The following SYNPR variants were observed in gnomAD, a reference collection of about 807,000 sequenced individuals.
The protein encoded by SYNPR is synaptoporin.
In SYNPR, 23 loss-of-function variants were observed where a neutral mutation model predicts 32.9. The ratio of observed to expected loss-of-function variants is 0.70; its 90% confidence interval spans 0.50 to 0.99. The LOEUF is 0.99. Among genes scored for constraint, SYNPR ranks in the 50% least tolerant of loss-of-function variants. The probability of loss-of-function intolerance (pLI) is 0.00; values close to 1 mark genes in which losing one functional copy is unlikely to be tolerated. For missense variants in SYNPR, 318 were observed against 349.3 expected, an observed-to-expected ratio of 0.91 and a Z score of 0.71; for synonymous variants, 146 against 135.9, an observed-to-expected ratio of 1.07 and a Z score of -0.52.
chr3:63,441,758 T>C (rs898326128), intron 2 of SYNPR, among the ~76,000 whole-genome samples: 3 of 152,178 alleles, frequency 2.0e-5, no homozygotes, highest in Non-Finnish European at 4.4e-5. Context: ...GTTTGAAGAA[T>C]TGGTAAGCAC....
intron 2 of SYNPR, among the ~76,000 whole-genome samples, chr3:63,318,835 G>C (rs2087073907): frequency 1.3e-5 from 2 of 151,972 alleles, no homozygotes; most frequent in South Asian, 4.1e-4. Context: ...GAAGAGGCTT[G>C]TTTTGTCATA....
intron 2 of SYNPR, among the ~76,000 whole-genome samples, chr3:63,434,450 T>A (rs1451302): frequency 1.6e-3 from 251 of 152,334 alleles, no homozygotes; most frequent in Non-Finnish European, 2.7e-3. Context: ...ATCAATACAC[T>A]CAGTTGGCTA....
chr3:63,273,434 T>G (rs1560175228), upstream of SYNPR, among the ~76,000 whole-genome samples: 1 of 152,168 alleles, frequency 6.6e-6, no homozygotes, highest in Non-Finnish European at 1.5e-5. Context: ...TAGAGGCACT[T>G]AGCATTCTGT....
chr3:63,553,128 C>T (rs1297799223), intron 3 of SYNPR, among the ~76,000 whole-genome samples: 1 of 152,122 alleles, frequency 6.6e-6, no homozygotes, highest in African/African-American at 2.4e-5. Context: ...GTCTGTTGTT[C>T]CCATGTTTAC....
intron 2 of SYNPR, chr3:63,452,001 C>A: frequency 1.5e-6 from 1 of 678,606 alleles, no homozygotes; most frequent in Non-Finnish European, 2.7e-6. Flanking sequence ...AGACACCCTC[C>A]TTTCTTCCTC....
intron 3 of SYNPR, among the ~76,000 whole-genome samples, chr3:63,501,494 CA>C (rs377290258): frequency 0.044 from 4,280 of 96,760 alleles, 92 homozygotes; most frequent in Non-Finnish European, 0.066. Context: ...CTCCCCCAAC[CA>C]AAAAAAAAAA....
At chr3:63,271,676 C>A (rs2086536344) in intron 3 of SYNPR, among the ~76,000 whole-genome samples, 1 of 151,844 alleles carries the variant, frequency 6.6e-6, no homozygotes, top group Non-Finnish European at 1.5e-5. Flanking sequence ...TATTGCAAAG[C>A]AAAACTCATT....
chr3:63,426,488 G>C (rs1210086463), intron 2 of SYNPR, among the ~76,000 whole-genome samples: 2 of 152,312 alleles, frequency 1.3e-5, no homozygotes, highest in Middle Eastern at 3.4e-3. Flanking sequence ...GCAATGGGGG[G>C]TATGGGAGTT....
chr3:63,211,356 C>T, the SYNPR span, among the ~76,000 whole-genome samples: 7 of 152,152 alleles, frequency 4.6e-5, no homozygotes, highest in African/African-American at 9.7e-5. Context: ...CATGAGCCAC[C>T]GTGCCCGGCC....
intron 4 of SYNPR, among the ~76,000 whole-genome samples, chr3:63,593,660 C>G (rs557500317): frequency 6.6e-6 from 1 of 151,982 alleles, no homozygotes; most frequent in South Asian, 2.1e-4. Flanking sequence ...GCAATGAAAC[C>G]CTACATTAAT....
intron 2 of SYNPR, among the ~76,000 whole-genome samples, chr3:63,290,143 A>AAAAAT (rs1553864586): frequency 6.7e-6 from 1 of 149,744 alleles, no homozygotes; most frequent in African/African-American, 2.5e-5. Context: ...AAACAAAAAA[A>AAAAAT]CTCCTTTTCA....
At chr3:63,559,241 AATTTTTTGT>A (rs1470234901) in intron 4 of SYNPR, among the ~76,000 whole-genome samples, 5 of 151,940 alleles carry the variant, frequency 3.3e-5, no homozygotes, top group Non-Finnish European at 7.4e-5. Flanking sequence ...ACACTCAGCT[AATTTTTTGT>A]ATTTTTTGGT....
At chr3:63,418,609 T>C (rs1343499935) in intron 2 of SYNPR, among the ~76,000 whole-genome samples, 2 of 152,220 alleles carry the variant, frequency 1.3e-5, no homozygotes, top group African/African-American at 4.8e-5. Flanking sequence ...TCCACGTGAC[T>C]GGGGAGGCCG....
In SYNPR at chr3:63,406,243, C is replaced by T. The variant is rs374983589; in HGVS notation, c.85-74589C>T. Among the ~76,000 whole-genome samples the T allele has an allele frequency of 2.5e-3, 379 of 149,666 alleles. 1 individual carries two copies. The highest frequency in any genetic ancestry group is 8.7e-3 in the African/African-American group (356 of 40,880). The stretch of plus-strand genomic sequence containing the variant: ...AGCCACCTATGCCCTGTATAGTTTT[C>T]AGGACCAACATCCCTGTATTTTCAG... On this transcript the variant is annotated intron_variant, in intron 2 of 5. Coordinates refer to ENST00000478300, the MANE Select transcript of SYNPR (RefSeq NM_001130003.2).
chr3:63,506,312 G>A (rs1182280141), intron 3 of SYNPR, among the ~76,000 whole-genome samples: 2 of 152,106 alleles, frequency 1.3e-5, no homozygotes, highest in African/African-American at 4.8e-5. Flanking sequence ...TTCCAAATCT[G>A]CACTTTCTAC....
chr3:63,466,302 C>CTT (rs2106665321), intron 2 of SYNPR, among the ~76,000 whole-genome samples: 1 of 151,866 alleles, frequency 6.6e-6, no homozygotes, highest in Non-Finnish European at 1.5e-5. Context: ...TGCTGTTGTA[C>CTT]TTAAATAAAC....
chr3:63,291,797 A>G (rs2086741504), intron 2 of SYNPR, among the ~76,000 whole-genome samples: 2 of 152,028 alleles, frequency 1.3e-5, no homozygotes, highest in South Asian at 4.2e-4. Flanking sequence ...CAGTACGTAA[A>G]TTTGAAGTAT....
chr3:63,283,460 T>G (rs555016409), intron 2 of SYNPR, among the ~76,000 whole-genome samples: 152 of 152,328 alleles, frequency 1.0e-3, no homozygotes, highest in African/African-American at 2.9e-3. Context: ...GACATAGCAC[T>G]GACTCTGGTG....
intron 2 of SYNPR, among the ~76,000 whole-genome samples, chr3:63,393,491 C>CTTTTTTTTTTTTTTTTTTTT (rs1482584312): frequency 1.7e-5 from 2 of 116,648 alleles, no homozygotes; most frequent in African/African-American, 7.5e-5. Context: ...TTCTTTCTTT[C>CTTTTTTTTTTTTTTTTTTTT]TTCTCTTTTT....
Sources: allele counts gnomAD v4.1 joint callset (sites outside exome capture counted in the v4.1 genomes callset), GRCh38; gene constraint gnomAD v4.1.1; transcripts MANE v1.5; gene names NCBI Gene and HGNC (gene_info 2026-07-23, HGNC 2026-07-21).